Variants in CALD1 observed in about 807,000 individuals in gnomAD.
CALD1 encodes the protein caldesmon.
In CALD1, 33 loss-of-function variants were observed where a neutral mutation model predicts 99.9. The ratio of observed to expected loss-of-function variants is 0.33; its 90% CI spans 0.25 to 0.44. The LOEUF (loss-of-function observed/expected upper bound fraction) is 0.44. Among genes scored for constraint, CALD1 ranks in the 20% least tolerant of loss-of-function variants. CALD1 has a pLI of 1.00. For missense variants in CALD1, 861 were observed against 962.1 expected (o/e 0.89, Z 1.39); for synonymous variants, 310 against 325.0 (o/e 0.95, Z 0.50).
At chr7:134,789,031 TAA>T (rs35315682) in intron 1 of CALD1, among the ~76,000 whole-genome samples, 2 of 116,822 alleles carry the variant, frequency 1.7e-5, no homozygotes, top group African/African-American at 3.3e-5. Flanking sequence ...AAACAAAAAG[TAA>T]AAAAAAAAAA....
chr7:134,933,143 T>A lies in CALD1; in HGVS notation c.374T>A (p.Ile125Lys). ...LERQKEFDPT[I>K]TDASLSLPSR... The stretch of plus-strand genomic sequence containing the variant: ...CGGCAGAAGGAGTTCGACCCAACAA[T>A]AACAGATGCAAGTCTGTCGCTCCCA... The change falls in exon 5 of 15, where the codon ATA becomes AAA. Residue 125 changes from isoleucine (I) to lysine (K), a missense_variant. Ile to Lys is a moderately radical substitution (Grantham distance 102). Coordinates refer to ENST00000361675, the MANE Select transcript of CALD1 (RefSeq NM_033138.4). 1 of 1,612,872 alleles carries A rather than the reference T, an allele frequency of 6.2e-7. No individual in the cohort carries two copies. Among genetic ancestry groups the A allele is most frequent in the Non-Finnish European group, 8.5e-7 (1 of 1,179,816 alleles).
chr7:134,939,024 T>G (rs1806218868), intron 6 of CALD1, among the ~76,000 whole-genome samples: 1 of 152,216 alleles, frequency 6.6e-6, no homozygotes, highest in Non-Finnish European at 1.5e-5. Context: ...TATTTCATGG[T>G]TATCCCTAAA....
At chr7:134,908,016 CA>C (rs1284453643) in intron 3 of CALD1, among the ~76,000 whole-genome samples, 1 of 152,166 alleles carries the variant, frequency 6.6e-6, no homozygotes, top group Non-Finnish European at 1.5e-5. Flanking sequence ...TTCTGTAGAA[CA>C]GACTGCTAAG....
At chr7:134,924,345 A>G (rs1463934717) in intron 3 of CALD1, among the ~76,000 whole-genome samples, 1 of 152,232 alleles carries the variant, frequency 6.6e-6, no homozygotes, top group Non-Finnish European at 1.5e-5. Context: ...TTTAAAATCC[A>G]AAAGAATGAA....
chr7:134,958,903 A>AAC (rs1808026571), intron 11 of CALD1, among the ~76,000 whole-genome samples: 1 of 121,814 alleles, frequency 8.2e-6, no homozygotes, highest in Non-Finnish European at 1.8e-5. Context: ...ATATATATAT[A>AAC]TATATATTTA....
At chr7:134,802,980 G>A (rs1043567306) in intron 1 of CALD1, among the ~76,000 whole-genome samples, 1 of 152,170 alleles carries the variant, frequency 6.6e-6, no homozygotes, top group Non-Finnish European at 1.5e-5. Context: ...TGTTCACTGC[G>A]GTGATGCTGT....
chr7:134,879,758 A>G (rs1801511211), intron 3 of CALD1, among the ~76,000 whole-genome samples: 1 of 152,202 alleles, frequency 6.6e-6, no homozygotes, highest in Non-Finnish European at 1.5e-5. Context: ...GGTATTTTAT[A>G]ATTTTTACTG....
chr7:134,944,114 TGA>T (rs1806668782), intron 7 of CALD1, among the ~76,000 whole-genome samples: 2 of 152,140 alleles, frequency 1.3e-5, no homozygotes. Flanking sequence ...CTAAATTGAC[TGA>T]GAGAGGAGTC....
chr7:134,943,900 T>C (rs28655905), intron 7 of CALD1, among the ~76,000 whole-genome samples: 1,991 of 152,330 alleles, frequency 0.013, 53 homozygotes, highest in African/African-American at 0.044. Context: ...TAATTAATGA[T>C]ATTAGATTCT....
intron 1 of CALD1, among the ~76,000 whole-genome samples, chr7:134,798,685 G>A (rs979450484): frequency 3.3e-5 from 5 of 152,184 alleles, no homozygotes; most frequent in South Asian, 4.1e-4. Context: ...AATTATAAAG[G>A]AGATTGCTTT....
chr7:134,900,730 G>A (rs184474745), intron 3 of CALD1, among the ~76,000 whole-genome samples: 2 of 152,044 alleles, frequency 1.3e-5, no homozygotes, highest in Non-Finnish European at 2.9e-5. Context: ...CTGTCTTATA[G>A]GTGAAAATGA....
chr7:134,767,214 TG>T (rs1796834565), intron 1 of CALD1, among the ~76,000 whole-genome samples: 1 of 151,010 alleles, frequency 6.6e-6, no homozygotes, highest in Non-Finnish European at 1.5e-5. Flanking sequence ...TGTGTGTGTG[TG>T]TGTGTGTGTG....
chr7:134,740,357 C>A (rs1478175493), upstream of CALD1, among the ~76,000 whole-genome samples: 2 of 152,072 alleles, frequency 1.3e-5, no homozygotes, highest in African/African-American at 4.8e-5. Flanking sequence ...TCTTGACATG[C>A]TGCAATGCTG....
the CALD1 span, among the ~76,000 whole-genome samples, chr7:134,730,048 A>G: frequency 6.6e-6 from 1 of 152,234 alleles, no homozygotes; most frequent in South Asian, 2.1e-4. Flanking sequence ...AGCAGAGGAC[A>G]TGAGGCGGCT....
intron 1 of CALD1, among the ~76,000 whole-genome samples, chr7:134,758,365 T>G (rs1156497944): frequency 1.3e-5 from 2 of 152,216 alleles, no homozygotes; most frequent in African/African-American, 2.4e-5. Context: ...ACATATATAA[T>G]CAACCATATT....
chr7:134,846,578 G>C (rs1002360012), intron 2 of CALD1, among the ~76,000 whole-genome samples: 2 of 152,164 alleles, frequency 1.3e-5, no homozygotes, highest in African/African-American at 4.8e-5. Context: ...ATTTTCCAAA[G>C]TGTTATTTCT....
At chr7:134,873,175 A>AAAAC (rs376713787) in intron 3 of CALD1, among the ~76,000 whole-genome samples, 197 of 151,050 alleles carry the variant, frequency 1.3e-3, no homozygotes, top group African/African-American at 3.8e-3. Context: ...CGACAGAGCA[A>AAAAC]AAACAAACAA....
At chr7:134,952,430 A>T (rs1210273740) in intron 9 of CALD1, among the ~76,000 whole-genome samples, 1 of 152,068 alleles carries the variant, frequency 6.6e-6, no homozygotes, top group Non-Finnish European at 1.5e-5. Context: ...CTTGTTCCAC[A>T]TGAAAATCAG....
chr7:134,784,579 A>C (rs1797235219), intron 1 of CALD1, among the ~76,000 whole-genome samples: 1 of 152,224 alleles, frequency 6.6e-6, no homozygotes, highest in African/African-American at 2.4e-5. Flanking sequence ...TAGTGTATGG[A>C]TGAATAAGGT....
Sources: gnomAD v4.1 joint callset for allele counts (sites outside exome capture counted in the v4.1 genomes callset) on GRCh38, gnomAD v4.1.1 for gene constraint, MANE v1.5 for transcripts, NCBI Gene and HGNC (gene_info 2026-07-23, HGNC 2026-07-21) for gene names.